MCF2L2: variants seen among roughly 807,000 people sequenced by gnomAD.
The protein encoded by MCF2L2 is MCF.2 cell line derived transforming sequence-like 2, also known as probable guanine nucleotide exchange factor MCF2L2.
Under a neutral mutation model 150.2 loss-of-function variants are expected in MCF2L2, and 102 were observed. The ratio of observed to expected loss-of-function variants is 0.68; its 90% CI spans 0.58 to 0.80. The LOEUF is 0.80. Among genes scored for constraint, MCF2L2 ranks in the 30% least tolerant of loss-of-function variants. The pLI is 0.00. For synonymous variants in MCF2L2, 465 were observed against 491.3 expected, an observed-to-expected ratio of 0.95 and a Z score of 0.71; for missense variants, 1,256 against 1,372.8, an observed-to-expected ratio of 0.91 and a Z score of 1.34.
At chr3:183,388,187 G>T (rs1016220153) in intron 2 of MCF2L2, among the ~76,000 whole-genome samples, 1 of 152,162 alleles carries the variant, frequency 6.6e-6, no homozygotes, top group Non-Finnish European at 1.5e-5. Flanking sequence ...TCTGTCACTA[G>T]ACTGATTCCT....
chr3:183,211,666 T>G (rs1722728435), intron 22 of MCF2L2, among the ~76,000 whole-genome samples: 2 of 152,260 alleles, frequency 1.3e-5, no homozygotes. Context: ...TAGACTGTAG[T>G]TGATCTCAAG....
At chr3:183,332,180 A>T (rs1351263127) in intron 5 of MCF2L2, among the ~76,000 whole-genome samples, 1 of 152,192 alleles carries the variant, frequency 6.6e-6, no homozygotes. Flanking sequence ...ACGTATTGAG[A>T]AGTTAGATTT....
intron 1 of MCF2L2, among the ~76,000 whole-genome samples, chr3:183,397,873 A>C (rs1714548216): frequency 6.6e-6 from 1 of 152,188 alleles, no homozygotes; most frequent in African/African-American, 2.4e-5. Context: ...CCATTAATAG[A>C]GGATTGGTTA....
intron 13 of MCF2L2, among the ~76,000 whole-genome samples, chr3:183,293,537 T>C (rs1030137036): frequency 6.6e-6 from 1 of 152,178 alleles, no homozygotes; most frequent in Non-Finnish European, 1.5e-5. Flanking sequence ...TCATTCACGA[T>C]AAAAACTCTC....
chr3:183,383,204 ATT>A (rs60195926), intron 2 of MCF2L2, among the ~76,000 whole-genome samples: 8,580 of 148,644 alleles, frequency 0.058, 843 homozygotes, highest in African/African-American at 0.21. Context: ...ATCATAAAGA[ATT>A]TTTATATTTA....
At chr3:183,321,083 G>A (rs1043476588) in intron 6 of MCF2L2, among the ~76,000 whole-genome samples, 4 of 152,016 alleles carry the variant, frequency 2.6e-5, no homozygotes, top group African/African-American at 4.8e-5. Flanking sequence ...TGCAGTTTTC[G>A]GCACCCCAAA....
intron 1 of MCF2L2, among the ~76,000 whole-genome samples, chr3:183,396,760 G>C (rs924592873): frequency 2.6e-5 from 4 of 152,084 alleles, no homozygotes; most frequent in African/African-American, 9.7e-5. Flanking sequence ...TGTATATTCA[G>C]TATACATGCA....
chr3:183,224,293 A>T (rs1576937041), intron 18 of MCF2L2, 103 bp from the exon 19 acceptor site: 2 of 746,402 alleles, frequency 2.7e-6, no homozygotes, highest in East Asian at 5.1e-5. Context: ...GAGTATTCTA[A>T]TGTGTAAGGA....
intron 18 of MCF2L2, chr3:183,226,079 C>T (rs1310685329): frequency 2.0e-5 from 3 of 152,186 alleles, no homozygotes; most frequent in African/African-American, 7.2e-5. Flanking sequence ...ACCCACAGTA[C>T]ACTATGGACA....
At chr3:183,205,041 G>C (rs1722423800) in intron 25 of MCF2L2, among the ~76,000 whole-genome samples, 1 of 152,160 alleles carries the variant, frequency 6.6e-6, no homozygotes, top group South Asian at 2.1e-4. Context: ...GGAGAGTTAT[G>C]AAAATATTTT....
intron 2 of MCF2L2, among the ~76,000 whole-genome samples, chr3:183,382,558 G>C (rs1349284206): frequency 6.6e-6 from 1 of 152,084 alleles, no homozygotes; most frequent in African/African-American, 2.4e-5. Flanking sequence ...TTAACTGTGG[G>C]GCAACCTACA....
At chr3:183,334,059 C>T (rs766701828) in intron 5 of MCF2L2, among the ~76,000 whole-genome samples, 14 of 151,440 alleles carry the variant, frequency 9.2e-5, no homozygotes, top group Non-Finnish European at 1.3e-4. Context: ...AGCTGGAGCA[C>T]CACGATAATT....
intron 2 of MCF2L2, among the ~76,000 whole-genome samples, chr3:183,381,794 C>A (rs1423592321): frequency 1.3e-5 from 2 of 152,158 alleles, no homozygotes; most frequent in Non-Finnish European, 2.9e-5. Context: ...TGAACTACCT[C>A]ATTACAGTGA....
chr3:183,312,737 C>G (rs1475304033), intron 7 of MCF2L2, among the ~76,000 whole-genome samples: 2 of 152,224 alleles, frequency 1.3e-5, no homozygotes, highest in Non-Finnish European at 2.9e-5. Context: ...TCTGATCACA[C>G]AGAAGTCCTG....
At chr3:183,199,184 T>C (rs375406540) in intron 25 of MCF2L2, among the ~76,000 whole-genome samples, 3 of 152,328 alleles carry the variant, frequency 2.0e-5, no homozygotes, top group East Asian at 3.9e-4. Flanking sequence ...CCTGAGCAGC[T>C]GATGATCATA....
chr3:183,371,938 G>A (rs79110352), intron 3 of MCF2L2: 47,973 of 151,574 alleles, frequency 0.32, 11,634 homozygotes, highest in African/African-American at 0.68. Flanking sequence ...AGTACTGTCC[G>A]TCTTTTTTCC....
At chr3:183,395,896 C>A (rs1281365059) in intron 1 of MCF2L2, among the ~76,000 whole-genome samples, 2 of 121,702 alleles carry the variant, frequency 1.6e-5, no homozygotes, top group African/African-American at 6.6e-5. Flanking sequence ...CCAGCCTGGG[C>A]AACAGCGCAA....
At chr3:183,233,862 T>C (rs1723678565) in intron 15 of MCF2L2, among the ~76,000 whole-genome samples, 1 of 152,224 alleles carries the variant, frequency 6.6e-6, no homozygotes, top group Admixed American at 6.5e-5. Flanking sequence ...TAGATATAAA[T>C]AAATAATACA....
At chr3:183,356,891 T>C (rs1711817970) in intron 3 of MCF2L2, among the ~76,000 whole-genome samples, 1 of 152,094 alleles carries the variant, frequency 6.6e-6, no homozygotes, top group Non-Finnish European at 1.5e-5. Context: ...GAATACTCCA[T>C]CCATAAAACA....
Sources: allele counts gnomAD v4.1 joint callset (sites outside exome capture counted in the v4.1 genomes callset), GRCh38; gene constraint gnomAD v4.1.1; transcripts MANE v1.5; gene names NCBI Gene and HGNC (gene_info 2026-07-23, HGNC 2026-07-21).